Variants in FABP12 observed in about 807,000 individuals in gnomAD.
FABP12 encodes the protein fatty acid-binding protein 12.
Under a neutral mutation model 13.7 loss-of-function variants are expected in FABP12, and 19 were observed. The ratio of observed to expected loss-of-function variants is 1.39; its 90% CI spans 0.97 to 2.04. The LOEUF is 2.04. Ranked by LOEUF, FABP12 falls within the 30% of genes most tolerant of loss-of-function variation. The pLI is 0.00. For synonymous variants in FABP12, 61 were observed against 57.0 expected (o/e 1.07, Z -0.32); for missense variants, 182 against 164.2 (o/e 1.11, Z -0.59).
chr8:81,570,160 C>T (rs1809900818), intron 1 of FABP12, among the ~76,000 whole-genome samples: 1 of 152,166 alleles, frequency 6.6e-6, no homozygotes, highest in Non-Finnish European at 1.5e-5. Context: ...TGTGGTGGTG[C>T]CCAGAAGCTT....
chr8:81,571,734 T>G (rs1443577031), intron 1 of FABP12, among the ~76,000 whole-genome samples: 1 of 152,180 alleles, frequency 6.6e-6, no homozygotes, highest in East Asian at 1.9e-4. Flanking sequence ...CAGCGAAATG[T>G]TGGGGTCATT....
intron 1 of FABP12, among the ~76,000 whole-genome samples, chr8:81,565,668 A>G (rs1195353295): frequency 6.6e-6 from 1 of 152,014 alleles, no homozygotes; most frequent in Non-Finnish European, 1.5e-5. Context: ...TTGGGATACA[A>G]CAAAAGCATT....
At chr8:81,547,908 G>A (rs1809461026) in intron 1 of FABP12, among the ~76,000 whole-genome samples, 1 of 152,218 alleles carries the variant, frequency 6.6e-6, no homozygotes, top group Admixed American at 6.5e-5. Flanking sequence ...ATGGTGAACT[G>A]AGGCTTAGAG....
At chr8:81,574,283 C>T (rs993071908) in intron 1 of FABP12, among the ~76,000 whole-genome samples, 3 of 152,108 alleles carry the variant, frequency 2.0e-5, no homozygotes, top group Non-Finnish European at 4.4e-5. Flanking sequence ...TAAACCATCC[C>T]TGCATCCCTG....
At chr8:81,553,070 G>A (rs1346110689) in intron 1 of FABP12, among the ~76,000 whole-genome samples, 4 of 152,106 alleles carry the variant, frequency 2.6e-5, no homozygotes, top group Non-Finnish European at 5.9e-5. Context: ...TGACCATGGT[G>A]GAGATGGCTA....
chr8:81,563,497 G>A lies in FABP12; in HGVS notation c.-184-23754C>T, dbSNP rs534082051. Among the ~76,000 whole-genome samples the A allele has an allele frequency of 5.9e-5, 9 of 152,194 alleles. 1 individual carries two copies. In the South Asian group the frequency reaches 1.0e-3, roughly 18 times the overall value. On this transcript the variant is annotated intron_variant, in intron 1 of 5. Transcript: ENST00000692030. The stretch of plus-strand genomic sequence containing the variant: ...ACAGAAATACATAACATTTCAGATA[G>A]GTAATAAGTAATTTTGAGGAAACAA...
chr8:81,578,931 C>T (rs1318539073), intron 1 of FABP12, among the ~76,000 whole-genome samples: 1 of 148,372 alleles, frequency 6.7e-6, no homozygotes, highest in Non-Finnish European at 1.5e-5. Flanking sequence ...CGGGTTCACG[C>T]CATTCTCCTG....
intron 4 of FABP12, 51 bp from the exon 5 acceptor site, chr8:81,525,171 C>G (rs1449612584): frequency 8.0e-7 from 1 of 1,253,832 alleles, no homozygotes; most frequent in Admixed American, 2.1e-5. Flanking sequence ...GTGAAATTAA[C>G]ATTTAGAAAA....
At chr8:81,557,308 A>T (rs2130032030) in intron 1 of FABP12, among the ~76,000 whole-genome samples, 1 of 152,318 alleles carries the variant, frequency 6.6e-6, no homozygotes, top group South Asian at 2.1e-4. Flanking sequence ...CTTTCCTGAT[A>T]TGGACAAAGT....
chr8:81,559,576 G>T (rs1401452680), intron 1 of FABP12, among the ~76,000 whole-genome samples: 1 of 152,138 alleles, frequency 6.6e-6, no homozygotes, highest in African/African-American at 2.4e-5. Flanking sequence ...CTTGCCATGA[G>T]TCTAGTTTTC....
intron 1 of FABP12, among the ~76,000 whole-genome samples, chr8:81,573,773 A>G (rs1423068221): frequency 2.0e-5 from 3 of 152,146 alleles, no homozygotes; most frequent in Non-Finnish European, 1.5e-5. Flanking sequence ...TTGGTGTAAT[A>G]GAAGAGCTAC....
intron 1 of FABP12, among the ~76,000 whole-genome samples, chr8:81,565,869 C>T (rs1809810658): frequency 6.6e-6 from 1 of 151,588 alleles, no homozygotes; most frequent in Admixed American, 6.6e-5. Flanking sequence ...TACAAAAGAT[C>T]AATAAAAGGA....
chr8:81,561,930 T>C (rs1194820158), intron 1 of FABP12, among the ~76,000 whole-genome samples: 2 of 152,178 alleles, frequency 1.3e-5, no homozygotes, highest in Non-Finnish European at 2.9e-5. Context: ...GCCAGTGAAC[T>C]TGGGATGCAC....
At chr8:81,559,581 G>C (rs1809682679) in intron 1 of FABP12, among the ~76,000 whole-genome samples, 1 of 152,080 alleles carries the variant, frequency 6.6e-6, no homozygotes. Flanking sequence ...CATGAGTCTA[G>C]TTTTCTGCAA....
intron 1 of FABP12, among the ~76,000 whole-genome samples, chr8:81,558,887 C>CAAAAAAAA (rs35682824): frequency 3.0e-5 from 2 of 67,560 alleles, no homozygotes; most frequent in Non-Finnish European, 5.9e-5. Context: ...AAGGCTCCAT[C>CAAAAAAAA]AAAAAAAAAA....
intron 1 of FABP12, among the ~76,000 whole-genome samples, chr8:81,540,127 T>C (rs1379158882): frequency 3.3e-5 from 5 of 152,190 alleles, no homozygotes; most frequent in African/African-American, 1.2e-4. Context: ...GTTCTCAAAG[T>C]GTGGGCTTTG....
At chr8:81,531,416 G>A in intron 1 of FABP12, 26 bp from the exon 2 acceptor site, 1 of 722,486 alleles carries the variant, frequency 1.4e-6, no homozygotes, top group Non-Finnish European at 2.3e-6. Context: ...ATTTTGGGTA[G>A]AGAATGAGAT....
At chr8:81,557,729 A>G (rs930948198) in intron 1 of FABP12, among the ~76,000 whole-genome samples, 10 of 152,222 alleles carry the variant, frequency 6.6e-5, no homozygotes, top group Non-Finnish European at 1.0e-4. Flanking sequence ...ATTATACTTT[A>G]GTTTTGTTTC....
chr8:81,584,206 G>A (rs978089530), intron 1 of FABP12, among the ~76,000 whole-genome samples: 16 of 152,132 alleles, frequency 1.1e-4, no homozygotes, highest in Non-Finnish European at 1.5e-5. Flanking sequence ...AACAAGAAAG[G>A]ACCAAGTCAA....
Sources: allele counts gnomAD v4.1 joint callset (sites outside exome capture counted in the v4.1 genomes callset), GRCh38; gene constraint gnomAD v4.1.1; transcripts MANE v1.5; gene names NCBI Gene and HGNC (gene_info 2026-07-23, HGNC 2026-07-21).